The following DCLK1 variants were observed in gnomAD, a reference collection of about 807,000 sequenced individuals.
DCLK1 encodes the protein serine/threonine-protein kinase DCLK1.
DCLK1 carries 16 observed loss-of-function variants against 86.2 expected under a neutral mutation model. The observed-to-expected ratio is 0.19, with a 90% confidence interval of 0.13 to 0.28. The LOEUF is 0.28. DCLK1 is among the 10% of genes least tolerant of loss of function. DCLK1 has a pLI of 1.00. For missense variants in DCLK1, 590 were observed against 940.2 expected (o/e 0.63, Z 4.87); for synonymous variants, 369 against 370.5 (o/e 1.00, Z 0.05).
chr13:36,060,045 A>G (rs1244575655), intron 3 of DCLK1, among the ~76,000 whole-genome samples: 2 of 151,832 alleles, frequency 1.3e-5, no homozygotes, highest in Non-Finnish European at 2.9e-5. Flanking sequence ...CTAATTTTGT[A>G]TTTTTAGTAG....
intron 8 of DCLK1, among the ~76,000 whole-genome samples, chr13:35,831,197 A>G (rs1868932964): frequency 6.6e-6 from 1 of 152,186 alleles, no homozygotes; most frequent in African/African-American, 2.4e-5. Context: ...CATAGTGGAC[A>G]ATGAGCTCCA....
intron 3 of DCLK1, among the ~76,000 whole-genome samples, chr13:35,996,960 A>G (rs7995328): frequency 0.45 from 69,079 of 152,050 alleles, 16,159 homozygotes; most frequent in Admixed American, 0.51. Context: ...TATTTATTTT[A>G]CATGCAGTGA....
chr13:36,119,107 G>A (rs1183888577), intron 2 of DCLK1, among the ~76,000 whole-genome samples: 1 of 152,130 alleles, frequency 6.6e-6, no homozygotes, highest in Non-Finnish European at 1.5e-5. Flanking sequence ...ATGAGAGAAA[G>A]AATGAATTCT....
At chr13:35,896,499 T>C (rs1252623492) in intron 4 of DCLK1, among the ~76,000 whole-genome samples, 1 of 134,818 alleles carries the variant, frequency 7.4e-6, no homozygotes, top group African/African-American at 2.9e-5. Context: ...GATTGCGCCA[T>C]TGCACCCCAG....
chr13:35,984,051 A>C (rs528174663), intron 3 of DCLK1, among the ~76,000 whole-genome samples: 49 of 152,374 alleles, frequency 3.2e-4, no homozygotes, highest in Non-Finnish European at 5.7e-4. Flanking sequence ...ACAGTGGTGC[A>C]GGTGAGCCTA....
rs183140744 is a variant in DCLK1, at chr13:36,048,783, A to C, written c.723+63086T>G. ...GACAGTGATGGTCAAGATCCTGCAT[A>C]GTGTGCAAGTTTACGACTGCCATTA... On this transcript the variant is annotated intron_variant, in intron 3 of 16. Transcript: ENST00000360631. Among the ~76,000 whole-genome samples, 627 of 152,290 alleles carry C rather than the reference A, an allele frequency of 4.1e-3. 3 individuals are homozygous for C. Among genetic ancestry groups the C allele is most frequent in the Non-Finnish European group, 7.0e-3 (474 of 68,022 alleles).
Position 35,899,939 on chromosome 13 carries a change from A to T in DCLK1, c.824-28599T>A, listed in dbSNP as rs538399588. On this transcript the variant is annotated intron_variant, in intron 4 of 16. Transcript: ENST00000360631. ...TTCATGGGTTAAAAAATGAACATATATTTAACAATATAAATTAAAGAAACC... is the reference window on the plus strand; with the variant it reads ...TTCATGGGTTAAAAAATGAACATATTTTTAACAATATAAATTAAAGAAACC... Among the ~76,000 whole-genome samples, 3 of 152,340 alleles carry T rather than the reference A, an allele frequency of 2.0e-5. No homozygotes were observed. The East Asian group carries it at 5.8e-4, about 29-fold the overall frequency.
At chr13:35,883,803 G>A (rs1873062970) in intron 4 of DCLK1, among the ~76,000 whole-genome samples, 1 of 152,176 alleles carries the variant, frequency 6.6e-6, no homozygotes, top group African/African-American at 2.4e-5. Flanking sequence ...AGGATGGATT[G>A]CATAGGGGCA....
rs151170999 is a variant in DCLK1 at position 36,045,014 on chromosome 13, A to G, written c.723+66855T>C. ...AAATAAAAATAAATATATACCTTAT[A>G]ATAAAATCAAACTGACCTCAGAAGC... On this transcript the variant is annotated intron_variant, in intron 3 of 16. Coordinates refer to ENST00000360631, the MANE Select transcript of DCLK1 (RefSeq NM_001330071.2). 2.7e-3 allele frequency among the ~76,000 whole-genome samples: 413 copies of G among 151,940 alleles called. 2 individuals are homozygous for G. The highest frequency in any genetic ancestry group is 4.3e-3 in the Non-Finnish European group (289 of 67,954).
chr13:35,911,410 CCCA>C (rs1267875729), intron 4 of DCLK1, among the ~76,000 whole-genome samples: 6 of 151,874 alleles, frequency 4.0e-5, no homozygotes, highest in Non-Finnish European at 8.8e-5. Context: ...TATTTGTCTG[CCCA>C]CCACCACAGG....
chr13:35,934,895 C>T (rs536720281), intron 4 of DCLK1, among the ~76,000 whole-genome samples: 1 of 151,990 alleles, frequency 6.6e-6, no homozygotes, highest in South Asian at 2.1e-4. Context: ...AAGCTAGATG[C>T]ATTTTAAAAA....
intron 4 of DCLK1, among the ~76,000 whole-genome samples, chr13:35,902,853 G>A (rs1410874437): frequency 2.6e-5 from 4 of 152,040 alleles, no homozygotes; most frequent in Non-Finnish European, 5.9e-5. Context: ...AAACATTTCA[G>A]AAAAGATGAA....
intron 4 of DCLK1, among the ~76,000 whole-genome samples, chr13:35,895,593 T>C (rs138500619): frequency 4.6e-5 from 7 of 152,342 alleles, no homozygotes; most frequent in African/African-American, 9.6e-5. Flanking sequence ...TGGCTAATTA[T>C]GTCTTTGCAT....
intron 3 of DCLK1, among the ~76,000 whole-genome samples, chr13:36,065,949 T>C (rs909859833): frequency 3.3e-5 from 5 of 152,200 alleles, no homozygotes; most frequent in Non-Finnish European, 7.4e-5. Flanking sequence ...TGTAAAGCTC[T>C]TGGTGTAAAA....
At chr13:36,126,523 C>T (rs1014441235) in intron 1 of DCLK1, among the ~76,000 whole-genome samples, 2 of 152,112 alleles carry the variant, frequency 1.3e-5, no homozygotes, top group African/African-American at 4.8e-5. Flanking sequence ...GCCCCCCAAC[C>T]CCTTTGGCCT....
intron 3 of DCLK1, among the ~76,000 whole-genome samples, chr13:36,070,273 A>C (rs1457712839): frequency 2.0e-5 from 3 of 152,194 alleles, no homozygotes; most frequent in African/African-American, 7.2e-5. Flanking sequence ...CGAGTTTCAA[A>C]ACTTATCTCA....
chr13:35,976,942 C>G (rs894337156), intron 3 of DCLK1, among the ~76,000 whole-genome samples: 2 of 152,082 alleles, frequency 1.3e-5, no homozygotes, highest in African/African-American at 2.4e-5. Flanking sequence ...GCACAGTGTC[C>G]TCAAAGAATT....
rs2153096150 is a variant in DCLK1, at chr13:35,769,732, GTA to G, written c.*4801_*4802del. 1 of 152,240 alleles carries G rather than the reference GTA, an allele frequency of 6.6e-6. No homozygotes were observed. Among genetic ancestry groups the G allele is most frequent in the East Asian group, 1.9e-4 (1 of 5,180 alleles). The allele number at this position is 152,240 out of a possible 1,614,324, so 9.4% of individuals were successfully genotyped here. On this transcript the variant is annotated 3_prime_UTR_variant, in exon 17 of 17. Coordinates refer to ENST00000360631, the MANE Select transcript of DCLK1 (RefSeq NM_001330071.2). ...CTATTACTTACTTTAAATTATTAAA[GTA>G]TATCACAGACAAAATATTCAATTTT... is the stretch of plus-strand genomic sequence containing the variant.
Position 35,992,764 on chromosome 13 carries a change from G to A in DCLK1, c.724-45307C>T, listed in dbSNP as rs1469798271. 2.0e-5 allele frequency among the ~76,000 whole-genome samples: 3 copies of A among 152,220 alleles called. No homozygotes were observed. The East Asian group carries it at 5.8e-4, about 29-fold the overall frequency. Reference sequence around the variant, plus strand: ...AGCATTTGTCTTGGAAAATGTCCTAGGTTGGACAATACATTTTATGATCAC... The same window carrying A: ...AGCATTTGTCTTGGAAAATGTCCTAAGTTGGACAATACATTTTATGATCAC... On this transcript the variant is annotated intron_variant, in intron 3 of 16. Transcript: ENST00000360631.
Sources: gnomAD v4.1 joint callset for allele counts (sites outside exome capture counted in the v4.1 genomes callset) on GRCh38, gnomAD v4.1.1 for gene constraint, MANE v1.5 for transcripts, NCBI Gene and HGNC (gene_info 2026-07-23, HGNC 2026-07-21) for gene names.